Variants in DUSP11 observed in about 807,000 individuals in gnomAD.
DUSP11 encodes the protein dual specificity phosphatase 11, also known as RNA/RNP complex-1-interacting phosphatase.
Under a neutral mutation model 41.4 loss-of-function variants are expected in DUSP11, and 27 were observed. The ratio of observed to expected loss-of-function variants is 0.65; its 90% CI spans 0.48 to 0.90. The LOEUF (loss-of-function observed/expected upper bound fraction) is 0.90. DUSP11 is among the 40% of genes least tolerant of loss of function. The pLI is 0.00. For synonymous variants in DUSP11, 188 were observed against 159.3 expected (o/e 1.18, Z -1.35); for missense variants, 465 against 461.1 (o/e 1.01, Z -0.08).
chr2:73,775,860 AAT>A (rs1259073270), intron 2 of DUSP11, among the ~76,000 whole-genome samples: 26 of 68,694 alleles, frequency 3.8e-4, no homozygotes, highest in Admixed American at 3.3e-3. Context: ...TCAAAAAAAA[AAT>A]TTAAAAAAAA....
chr2:73,777,733 T>C (rs1672712078), intron 2 of DUSP11, among the ~76,000 whole-genome samples: 2 of 152,250 alleles, frequency 1.3e-5, no homozygotes, highest in Admixed American at 1.3e-4. Context: ...GGCTTTTGGA[T>C]GTCCTATTCA....
chr2:73,775,905 G>T (rs928154824), intron 2 of DUSP11, among the ~76,000 whole-genome samples: 2 of 142,296 alleles, frequency 1.4e-5, no homozygotes, highest in Non-Finnish European at 3.0e-5. Flanking sequence ...GGGTCTTGCC[G>T]TCTTGCCATG....
intron 3 of DUSP11, 79 bp downstream of exon 3, chr2:73,774,834 C>A: frequency 7.9e-7 from 1 of 1,273,086 alleles, no homozygotes; most frequent in Admixed American, 2.5e-5. Flanking sequence ...CACATTAGCA[C>A]AAGATGATTA....
chr2:73,766,667 G>A (rs1212009381), intron 7 of DUSP11, 73 bp from the exon 8 acceptor site: 2 of 1,481,216 alleles, frequency 1.4e-6, no homozygotes, highest in African/African-American at 1.4e-5. Flanking sequence ...CTATATTTTG[G>A]CATATGAAAA....
exon 1 of DUSP11, chr2:73,780,074 G>C (rs376117582): frequency 1.3e-6 from 2 of 1,595,292 alleles, no homozygotes; most frequent in South Asian, 2.2e-5. Context: ...AAAAGACTCG[G>C]CAGCCACCTA....
intron 4 of DUSP11, among the ~76,000 whole-genome samples, chr2:73,771,418 T>C (rs1672570207): frequency 6.6e-6 from 1 of 152,210 alleles, no homozygotes; most frequent in African/African-American, 2.4e-5. Context: ...TGTTGTCTCC[T>C]GTCAGGCCTT....
intron 8 of DUSP11, among the ~76,000 whole-genome samples, chr2:73,764,501 A>C (rs1311180305): frequency 1.3e-5 from 2 of 152,214 alleles, no homozygotes; most frequent in African/African-American, 4.8e-5. Context: ...AACTGTCAAT[A>C]ACAACCACTA....
Position 73,769,457 on chromosome 2 carries a change from A to G in DUSP11, c.575-132T>C, listed in dbSNP as rs934920705. 277 of 679,208 alleles carry G rather than the reference A, an allele frequency of 4.1e-4. 3 individuals are homozygous for G. In the East Asian group the frequency reaches 7.7e-3, roughly 19 times the overall value. The allele number at this position is 679,208 out of a possible 1,614,324, so 42.1% of individuals were successfully genotyped here. A position where few individuals can be genotyped will look rare whatever the true frequency, so the allele number is the denominator to read the frequency against. ...GGAACATACTATAAAGAATCATCTA[A>G]CAGAAAGCCAAAACTCACTGCTTCT... On this transcript the variant is annotated intron_variant, in intron 4 of 8. Coordinates refer to ENST00000272444, the Ensembl canonical transcript of DUSP11.
intron 4 of DUSP11, among the ~76,000 whole-genome samples, chr2:73,769,644 G>C (rs1672534819): frequency 6.6e-6 from 1 of 152,110 alleles, no homozygotes; most frequent in African/African-American, 2.4e-5. Context: ...AGCAACAACA[G>C]GCTAAGAGAA....
intron 5 of DUSP11, 47 bp from the exon 6 acceptor site, chr2:73,767,254 A>G: frequency 1.3e-6 from 2 of 1,526,854 alleles, no homozygotes; most frequent in Middle Eastern, 1.8e-4. Flanking sequence ...AAAAGAAAAA[A>G]ATCAAGTTTT....
At chr2:73,779,981 C>A (rs778616327) in exon 1 of DUSP11, 2 of 1,614,236 alleles carry the variant, frequency 1.2e-6, no homozygotes, top group Admixed American at 3.3e-5. Context: ...TCATGTGGGT[C>A]CCAAGAAGCC....
At chr2:73,766,457 T>C (rs1672463488) in exon 8 of DUSP11, 2 of 1,613,688 alleles carry the variant, frequency 1.2e-6, no homozygotes, top group Non-Finnish European at 1.7e-6. Context: ...GGTGTGGAAA[T>C]GTCGAGGAGC....
exon 3 of DUSP11, chr2:73,774,923 T>A (rs1672650456): frequency 1.3e-6 from 2 of 1,585,068 alleles, no homozygotes; most frequent in African/African-American, 1.4e-5. Flanking sequence ...CTCTGGTTTA[T>A]AATAGCGTTG....
chr2:73,762,576 G>C, exon 9 of DUSP11: 1 of 1,034,788 alleles, frequency 9.7e-7, no homozygotes, highest in Non-Finnish European at 1.4e-6. Context: ...AAAGAAACCT[G>C]ATTAGACCTG....
At chr2:73,780,089 G>C (rs777582669) in exon 1 of DUSP11, 8 of 1,572,446 alleles carry the variant, frequency 5.1e-6, no homozygotes, top group African/African-American at 1.4e-5. Context: ...CACCTACGCC[G>C]CGCTCCAGCG....
At chr2:73,771,270 A>G (rs1051261010) in intron 4 of DUSP11, among the ~76,000 whole-genome samples, 2 of 152,206 alleles carry the variant, frequency 1.3e-5, no homozygotes, top group Non-Finnish European at 2.9e-5. Flanking sequence ...TATGAATTCC[A>G]TGCCTTTTCA....
chr2:73,775,639 A>G (rs1672665575), intron 2 of DUSP11, among the ~76,000 whole-genome samples: 1 of 150,382 alleles, frequency 6.6e-6, no homozygotes, highest in African/African-American at 2.4e-5. Flanking sequence ...GAGGATCACA[A>G]GGTCAGGAGA....
chr2:73,773,312 G>A (rs1167846932), intron 4 of DUSP11: 18 of 161,420 alleles, frequency 1.1e-4, no homozygotes, highest in African/African-American at 2.4e-4. Flanking sequence ...TGTGCACAAC[G>A]TGCAGGTTTG....
exon 9 of DUSP11, chr2:73,762,839 T>A: frequency 6.3e-7 from 1 of 1,581,264 alleles, no homozygotes; most frequent in Non-Finnish European, 8.6e-7. Context: ...CTGGTAAACA[T>A]GTGGATTCTC....
Sources: gnomAD v4.1 joint callset for allele counts (sites outside exome capture counted in the v4.1 genomes callset) on GRCh38, gnomAD v4.1.1 for gene constraint, MANE v1.5 for transcripts, NCBI Gene and HGNC (gene_info 2026-07-23, HGNC 2026-07-21) for gene names.